The following PTPN22 variants were observed in gnomAD, a reference collection of about 807,000 sequenced individuals.
PTPN22 encodes the protein tyrosine-protein phosphatase non-receptor type 22.
In PTPN22, 85 loss-of-function variants were observed where a neutral mutation model predicts 103.3. The observed-to-expected ratio is 0.82, with a 90% CI of 0.69 to 0.99. PTPN22 has a LOEUF of 0.99. Among genes scored for constraint, PTPN22 ranks in the 50% least tolerant of loss-of-function variants. PTPN22 has a pLI of 0.00. For missense variants in PTPN22, 865 were observed against 936.9 expected, an observed-to-expected ratio of 0.92 and a Z score of 1.00; for synonymous variants, 323 against 310.2, an observed-to-expected ratio of 1.04 and a Z score of -0.43.
chr1:113,846,708 A>G (rs1197247515), intron 11 of PTPN22, among the ~76,000 whole-genome samples: 3 of 152,074 alleles, frequency 2.0e-5, no homozygotes, highest in Admixed American at 1.3e-4. Flanking sequence ...TCAGCCCTGA[A>G]GGATGTTTTC....
chr1:113,868,631 A>C (rs562310010), intron 1 of PTPN22, among the ~76,000 whole-genome samples: 1 of 152,304 alleles, frequency 6.6e-6, no homozygotes, highest in Non-Finnish European at 1.5e-5. Flanking sequence ...ATCACTACCC[A>C]AAAACAAGGT....
intron 11 of PTPN22, among the ~76,000 whole-genome samples, chr1:113,843,389 A>T (rs1163247213): frequency 1.3e-5 from 2 of 152,116 alleles, no homozygotes; most frequent in African/African-American, 2.4e-5. Flanking sequence ...TACAACATGG[A>T]TGAACCTTGA....
chr1:113,828,917 G>A (rs984511525), intron 18 of PTPN22, among the ~76,000 whole-genome samples: 2 of 152,226 alleles, frequency 1.3e-5, no homozygotes, highest in African/African-American at 2.4e-5. Context: ...TTACAGGCAT[G>A]AGCCACCATG....
chr1:113,857,122 T>C (rs561244645), intron 5 of PTPN22, among the ~76,000 whole-genome samples: 1 of 152,354 alleles, frequency 6.6e-6, no homozygotes, highest in South Asian at 2.1e-4. Flanking sequence ...TTCTGACATG[T>C]AACCAATATA....
At position 113,851,934 on chromosome 1, in the gene PTPN22, A is replaced by T. The variant is rs1196589266; in HGVS notation, c.828+93T>A. On this transcript the variant is annotated intron_variant, in intron 10 of 20. Coordinates refer to ENST00000359785, the Ensembl canonical transcript of PTPN22. The stretch of plus-strand genomic sequence containing the variant: ...GCACGTAATGGTAAATTGGTGTTAT[A>T]TCTGAGCAGTCAGCTGTTTTTGGAT... 5.9e-6 allele frequency: 5 copies of T among 852,244 alleles called. No individual in the cohort carries two copies. In the Admixed American group the frequency reaches 1.2e-4, roughly 21 times the overall value. The allele number at this position is 852,244 out of a possible 1,614,324, so 52.8% of individuals were successfully genotyped here.
At chr1:113,831,419 G>A (rs190094399) in intron 16 of PTPN22, among the ~76,000 whole-genome samples, 57 of 152,114 alleles carry the variant, frequency 3.7e-4, no homozygotes, top group East Asian at 5.8e-4. Context: ...CCCAGCCCCT[G>A]GCAATCACTA....
intron 1 of PTPN22, among the ~76,000 whole-genome samples, chr1:113,867,081 G>A (rs1397109315): frequency 6.6e-6 from 1 of 152,176 alleles, no homozygotes; most frequent in Non-Finnish European, 1.5e-5. Context: ...TTGTTAGAAT[G>A]TTGGTATTAT....
At chr1:113,822,250 C>T (rs1298010732) in intron 19 of PTPN22, among the ~76,000 whole-genome samples, 1 of 152,212 alleles carries the variant, frequency 6.6e-6, no homozygotes, top group East Asian at 1.9e-4. Context: ...TTCCCACCAA[C>T]AGTTGACAGC....
intron 10 of PTPN22, among the ~76,000 whole-genome samples, chr1:113,850,658 C>T (rs1215403441): frequency 2.0e-5 from 3 of 152,300 alleles, no homozygotes; most frequent in African/African-American, 7.2e-5. Context: ...ACTCAGCACA[C>T]ATGAAAGTTA....
At chr1:113,857,137 A>G (rs1185924705) in intron 5 of PTPN22, among the ~76,000 whole-genome samples, 2 of 152,242 alleles carry the variant, frequency 1.3e-5, no homozygotes, top group African/African-American at 4.8e-5. Flanking sequence ...AATATAAAAT[A>G]ATTATCAGAT....
At chr1:113,859,130 T>G (rs757851048) in intron 2 of PTPN22, 52 bp from the exon 3 acceptor site, 1 of 1,602,410 alleles carries the variant, frequency 6.2e-7, no homozygotes, top group Non-Finnish European at 8.5e-7. Flanking sequence ...AGTCAGCAGA[T>G]TTAAATCAGG....
intron 18 of PTPN22, 80 bp downstream of exon 18, chr1:113,829,512 C>T (rs1662366486): frequency 3.0e-6 from 2 of 664,920 alleles, no homozygotes; most frequent in Non-Finnish European, 5.0e-6. Flanking sequence ...ATCTAATTTT[C>T]CATCTTAATG....
intron 18 of PTPN22, among the ~76,000 whole-genome samples, chr1:113,825,929 G>C (rs1003632080): frequency 1.3e-5 from 2 of 152,044 alleles, no homozygotes; most frequent in African/African-American, 4.8e-5. Flanking sequence ...TGGCCAGGCT[G>C]GTCTCAAACT....
At chr1:113,838,115 T>C in exon 13 of PTPN22, 1 of 1,614,078 alleles carries the variant, frequency 6.2e-7, no homozygotes, top group Non-Finnish European at 8.5e-7. Flanking sequence ...TTTACAGGTT[T>C]AGAATTAGAA....
At chr1:113,858,884 C>G in intron 3 of PTPN22, 118 bp downstream of exon 3, 2 of 1,452,760 alleles carry the variant, frequency 1.4e-6, no homozygotes, top group South Asian at 2.9e-5. Flanking sequence ...AGTGATCTTT[C>G]CGCCTCAGCC....
chr1:113,829,620 G>T, exon 18 of PTPN22: 1 of 1,603,094 alleles, frequency 6.2e-7, no homozygotes, highest in Non-Finnish European at 8.5e-7. Flanking sequence ...TTTTCCAGGA[G>T]TCTTCAGTGT....
chr1:113,840,295 G>A (rs1663435555), intron 11 of PTPN22, among the ~76,000 whole-genome samples: 1 of 151,518 alleles, frequency 6.6e-6, no homozygotes, highest in Admixed American at 6.6e-5. Flanking sequence ...TTTATATATG[G>A]GATTCCACAA....
intron 13 of PTPN22, among the ~76,000 whole-genome samples, 197 bp from the exon 14 acceptor site, chr1:113,835,190 T>C (rs1340880491): frequency 6.6e-6 from 1 of 151,550 alleles, no homozygotes; most frequent in Non-Finnish European, 1.5e-5. Flanking sequence ...ACCCAGGAGG[T>C]TTTTGCTTAT....
intron 19 of PTPN22, among the ~76,000 whole-genome samples, chr1:113,822,403 T>C (rs893384976): frequency 6.6e-6 from 1 of 152,200 alleles, no homozygotes; most frequent in African/African-American, 2.4e-5. Context: ...GGATTCCCAT[T>C]ACACTTAGAA....
Sources: allele counts gnomAD v4.1 joint callset (sites outside exome capture counted in the v4.1 genomes callset), GRCh38; gene constraint gnomAD v4.1.1; transcripts MANE v1.5; gene names NCBI Gene and HGNC (gene_info 2026-07-23, HGNC 2026-07-21).